The following TBCD variants were observed in gnomAD, a reference collection of about 807,000 sequenced individuals.
The protein encoded by TBCD is tubulin folding cofactor D.
A neutral mutation model predicts 169.3 loss-of-function variants in TBCD; 105 were observed. The observed-to-expected ratio is 0.62, with a 90% CI of 0.53 to 0.73. The LOEUF (loss-of-function observed/expected upper bound fraction) is 0.73, where lower values mean the gene tolerates loss of function less well. Among genes scored for constraint, TBCD ranks in the 30% least tolerant of loss-of-function variants. The pLI is 0.00. For synonymous variants in TBCD, 700 were observed against 643.9 expected, an observed-to-expected ratio of 1.09 and a Z score of -1.32; for missense variants, 1,444 against 1,600.1, an observed-to-expected ratio of 0.90 and a Z score of 1.66.
At chr17:82,938,285 C>T (rs2062806766) in intron 36 of TBCD, 149 bp downstream of exon 36, 13 of 893,406 alleles carry the variant, frequency 1.5e-5, no homozygotes, top group South Asian at 1.4e-4. Context: ...GTCACAGGCA[C>T]GCGGCTGCCA....
chr17:82,913,716 G>C (rs2060827045), intron 23 of TBCD: 1 of 152,372 alleles, frequency 6.6e-6, no homozygotes, highest in South Asian at 2.1e-4. Context: ...TCTTCTTCTT[G>C]AATGTGTGGT....
At chr17:82,809,808 T>A in intron 12 of TBCD, 26 bp downstream of exon 12, 1 of 1,608,916 alleles carries the variant, frequency 6.2e-7, no homozygotes, top group Non-Finnish European at 8.5e-7. Context: ...AGGGGAGGCG[T>A]GTGGGCCTGA....
At chr17:82,939,648 G>A (rs1000218172) in intron 37 of TBCD, among the ~76,000 whole-genome samples, 172 bp downstream of exon 37, 4 of 152,210 alleles carry the variant, frequency 2.6e-5, no homozygotes, top group East Asian at 1.9e-4. Flanking sequence ...TGCTGTAGCC[G>A]AAACCTCTTC....
Position 82,939,334 on chromosome 17 carries a change from C to T in TBCD, c.3370-33C>T, listed in dbSNP as rs775175392. 22 of 1,569,328 alleles carry T rather than the reference C, an allele frequency of 1.4e-5. No individual in the cohort carries two copies. The South Asian group carries it at 2.5e-4, about 18-fold the overall frequency. ...TCTCCGGGGTGGGGCGGTGGCGCTTCCCTCCGGCAAATGCACTGCATCCCT... is the reference window on the plus strand; with the variant it reads ...TCTCCGGGGTGGGGCGGTGGCGCTTTCCTCCGGCAAATGCACTGCATCCCT... On this transcript the variant is annotated intron_variant, in intron 36 of 38. Transcript: ENST00000355528.
intron 15 of TBCD, among the ~76,000 whole-genome samples, chr17:82,888,620 C>T (rs1366814136): frequency 2.0e-5 from 3 of 152,212 alleles, no homozygotes; most frequent in African/African-American, 7.2e-5. Flanking sequence ...CAGGGGTCTG[C>T]CTTGGAGCCA....
At chr17:82,799,414 G>A (rs1028239227) in intron 8 of TBCD, among the ~76,000 whole-genome samples, 2 of 120,638 alleles carry the variant, frequency 1.7e-5, no homozygotes, top group Non-Finnish European at 3.2e-5. Flanking sequence ...CAGCACTCTA[G>A]CCTGGCGACA....
intron 13 of TBCD, among the ~76,000 whole-genome samples, chr17:82,816,183 G>A (rs78910377): frequency 0.017 from 2,548 of 152,234 alleles, 82 homozygotes; most frequent in African/African-American, 0.057. Flanking sequence ...GAATTCTTCG[G>A]CTGAGTTTCT....
In TBCD at chr17:82,835,132, G is replaced by C. The variant is rs2053857778; in HGVS notation, c.1318+20198G>C. 6.6e-6 allele frequency among the ~76,000 whole-genome samples: 1 copy of C among 152,148 alleles called. No individual in the cohort carries two copies. Among genetic ancestry groups the C allele is most frequent in the African/African-American group, 2.4e-5 (1 of 41,430 alleles). ...ACTGCAGTATTTTTTTTAAGGAATGGGCAGATGTGCCCATTCTTGAGTCTG... is the reference window on the plus strand; with the variant it reads ...ACTGCAGTATTTTTTTTAAGGAATGCGCAGATGTGCCCATTCTTGAGTCTG... On this transcript the variant is annotated intron_variant, in intron 13 of 38. Coordinates refer to ENST00000355528, the MANE Select transcript of TBCD (RefSeq NM_005993.5). The surrounding 1 kb of genome is among the most constrained non-coding windows in gnomAD (Gnocchi z 4.5).
At position 82,896,190 on chromosome 17, in the gene TBCD, G is replaced by A. The variant is rs932006491; in HGVS notation, c.1649+2558G>A. On this transcript the variant is annotated intron_variant, in intron 17 of 38. Transcript: ENST00000355528. ...CTGTGTGAATGGGTTCAGGCAGTGG[G>A]CACTCTCCTCACTCACACTGGCTTC... is the stretch of plus-strand genomic sequence containing the variant. 2.0e-5 allele frequency among the ~76,000 whole-genome samples: 3 copies of A among 152,074 alleles called. No individual in the cohort carries two copies. The East Asian group carries it at 5.8e-4, about 29-fold the overall frequency.
intron 9 of TBCD, among the ~76,000 whole-genome samples, chr17:82,801,700 TTG>T (rs1267200013): frequency 8.0e-6 from 1 of 124,820 alleles, no homozygotes; most frequent in African/African-American, 3.1e-5. Context: ...GGCGTGTGCG[TTG>T]TGTGGCTCGG....
intron 7 of TBCD, chr17:82,796,201 C>T (rs1598544413): frequency 2.0e-5 from 3 of 152,258 alleles, no homozygotes; most frequent in Non-Finnish European, 2.9e-5. Context: ...CGACTGCCCC[C>T]GAACCCCGCG....
intron 13 of TBCD, among the ~76,000 whole-genome samples, chr17:82,848,880 C>T (rs2055386337): frequency 2.2e-3 from 2 of 892 alleles, no homozygotes; most frequent in Non-Finnish European, 0.013. Flanking sequence ...ACCTCGATGT[C>T]CCCCTCTGCC....
At chr17:82,873,772 C>G (rs1050267173) in intron 14 of TBCD, among the ~76,000 whole-genome samples, 1 of 152,138 alleles carries the variant, frequency 6.6e-6, no homozygotes, top group African/African-American at 2.4e-5. Context: ...AGGCGGGCCC[C>G]GTGCTTCATG....
At chr17:82,900,777 A>C in intron 18 of TBCD, 46 bp downstream of exon 18, 6 of 1,413,632 alleles carry the variant, frequency 4.2e-6, no homozygotes, top group Non-Finnish European at 6.0e-6. Context: ...TTTCCCCCCA[A>C]AGGAGAGATT....
At chr17:82,819,216 A>G (rs2052196150) in intron 13 of TBCD, among the ~76,000 whole-genome samples, 1 of 152,228 alleles carries the variant, frequency 6.6e-6, no homozygotes, top group African/African-American at 2.4e-5. Context: ...AAGTAAAACT[A>G]GGGAAGTCAG....
In TBCD at chr17:82,915,097, G is replaced by A. The variant is rs867720643; in HGVS notation, c.2038+3308G>A. Among the ~76,000 whole-genome samples, 4 of 152,020 alleles carry A rather than the reference G, an allele frequency of 2.6e-5. No individual in the cohort carries two copies. Among genetic ancestry groups the A allele is most frequent in the African/African-American group, 9.7e-5 (4 of 41,382 alleles). On this transcript the variant is annotated intron_variant, in intron 23 of 38. Transcript: ENST00000355528. The surrounding 1 kb of genome is among the most constrained non-coding windows in gnomAD (Gnocchi z 4.3). Reference sequence around the variant, plus strand: ...TGAGACAAGACTCCAAGCTCTTGTCGGGGTGAGAAATCTGCGGGTTCACGG... The same window carrying A: ...TGAGACAAGACTCCAAGCTCTTGTCAGGGTGAGAAATCTGCGGGTTCACGG...
chr17:82,889,822 G>T lies in TBCD; in HGVS notation c.1563+125G>T. 9.0e-7 allele frequency: 1 copy of T among 1,107,568 alleles called. No homozygotes were observed. Among genetic ancestry groups the T allele is most frequent in the South Asian group, 1.5e-5 (1 of 66,602 alleles). 68.6% of individuals were successfully genotyped at this position (1,107,568 alleles called of 1,614,324 possible). A position where few individuals can be genotyped will look rare whatever the true frequency, so the allele number is the denominator to read the frequency against. ...ATGTGGTGTGGCTACATCAATGCCA[G>T]GGTCATGAGTTCACTATAGGACGCA... On this transcript the variant is annotated intron_variant, in intron 16 of 38. Transcript: ENST00000355528. This position sits in a 1 kb window ranked among gnomAD's most constrained non-coding sequence, Gnocchi z 5.3.
chr17:82,934,959 G>A (rs1395026897), intron 34 of TBCD, among the ~76,000 whole-genome samples: 1 of 152,204 alleles, frequency 6.6e-6, no homozygotes, highest in Non-Finnish European at 1.5e-5. Context: ...ACATTAGCCG[G>A]GTGTGGTGGT....
chr17:82,761,912 A>G (rs1204675550), intron 2 of TBCD, among the ~76,000 whole-genome samples: 9 of 150,792 alleles, frequency 6.0e-5, no homozygotes, highest in African/African-American at 2.2e-4. Context: ...TATTTTTAGT[A>G]GAGACGGGGT....
Sources: gnomAD v4.1 joint callset for allele counts (sites outside exome capture counted in the v4.1 genomes callset) on GRCh38, gnomAD v4.1.1 for gene constraint, Gnocchi (gnomAD v3.1) non-coding constraint, MANE v1.5 for transcripts, NCBI Gene and HGNC (gene_info 2026-07-23, HGNC 2026-07-21) for gene names.